AGBL4: variants seen among roughly 807,000 people sequenced by gnomAD.
AGBL4 encodes AGBL carboxypeptidase 4, also known as cytosolic carboxypeptidase 6.
In AGBL4, 58 loss-of-function variants were observed where a neutral mutation model predicts 66.4. The observed-to-expected ratio is 0.87, with a 90% CI of 0.71 to 1.09. AGBL4 has a LOEUF of 1.09. Among genes scored for constraint, AGBL4 ranks in the 50% least tolerant of loss-of-function variants. The pLI is 0.00. For synonymous variants in AGBL4, 234 were observed against 222.9 expected, an observed-to-expected ratio of 1.05 and a Z score of -0.44; for missense variants, 579 against 631.0, an observed-to-expected ratio of 0.92 and a Z score of 0.88.
intron 3 of AGBL4, among the ~76,000 whole-genome samples, chr1:49,608,461 C>A (rs543287765): frequency 3.8e-4 from 58 of 152,254 alleles, no homozygotes; most frequent in Non-Finnish European, 1.5e-4. Flanking sequence ...TTTCAACCTC[C>A]ACTGGAGAAA....
chr1:48,550,687 A>G (rs781732341), intron 11 of AGBL4, among the ~76,000 whole-genome samples: 7 of 152,160 alleles, frequency 4.6e-5, no homozygotes, highest in Non-Finnish European at 7.3e-5. Context: ...AAGAGCTGGC[A>G]GATGAAACAT....
chr1:49,705,838 G>T (rs1281984966), intron 2 of AGBL4, among the ~76,000 whole-genome samples: 1 of 152,024 alleles, frequency 6.6e-6, no homozygotes, highest in East Asian at 1.9e-4. Context: ...TTATGTGATG[G>T]ATTATGTTCA....
chr1:49,881,195 A>T (rs1466174237), intron 1 of AGBL4, among the ~76,000 whole-genome samples: 1 of 152,136 alleles, frequency 6.6e-6, no homozygotes, highest in Non-Finnish European at 1.5e-5. Context: ...AATTTCATCT[A>T]TGTCCCTACA....
intron 8 of AGBL4, among the ~76,000 whole-genome samples, chr1:48,646,296 A>G (rs933730984): frequency 3.9e-5 from 6 of 152,172 alleles, no homozygotes; most frequent in Admixed American, 6.5e-5. Flanking sequence ...ACGGGCTGGC[A>G]GATCTCTCAA....
At chr1:48,743,027 T>C (rs923550990) in intron 6 of AGBL4, among the ~76,000 whole-genome samples, 1 of 152,164 alleles carries the variant, frequency 6.6e-6, no homozygotes, top group Non-Finnish European at 1.5e-5. Flanking sequence ...CAGGGTGTCA[T>C]TGTCTAAATG....
At chr1:49,084,229 G>T (rs1644857407) in intron 4 of AGBL4, among the ~76,000 whole-genome samples, 1 of 152,066 alleles carries the variant, frequency 6.6e-6, no homozygotes, top group African/African-American at 2.4e-5. Context: ...TCCAGTCTCT[G>T]CCTGTTACCC....
At chr1:49,126,903 T>A (rs1645775986) in intron 4 of AGBL4, among the ~76,000 whole-genome samples, 1 of 152,124 alleles carries the variant, frequency 6.6e-6, no homozygotes, top group African/African-American at 2.4e-5. Flanking sequence ...CAAACCAAAC[T>A]GAAATCCAGC....
chr1:48,694,802 C>G (rs1001666994), intron 6 of AGBL4, among the ~76,000 whole-genome samples: 2 of 152,102 alleles, frequency 1.3e-5, no homozygotes, highest in African/African-American at 4.8e-5. Context: ...CCTCTTCTGA[C>G]TCAGCTGCCC....
chr1:49,289,549 T>A (rs550416193), intron 3 of AGBL4, among the ~76,000 whole-genome samples: 4 of 152,330 alleles, frequency 2.6e-5, no homozygotes, highest in Admixed American at 1.3e-4. Context: ...AAATAGTGGT[T>A]ACATGTCTGT....
At chr1:49,077,715 A>AT (rs1644737213) in intron 4 of AGBL4, among the ~76,000 whole-genome samples, 3 of 152,300 alleles carry the variant, frequency 2.0e-5, no homozygotes, top group South Asian at 4.1e-4. Flanking sequence ...AACACTAAGT[A>AT]TAATGTCAGT....
intron 1 of AGBL4, among the ~76,000 whole-genome samples, chr1:49,984,319 G>C (rs1353394768): frequency 6.6e-6 from 1 of 152,202 alleles, no homozygotes. Flanking sequence ...GCCATGGACT[G>C]GTTCTGGGCA....
chr1:49,027,303 G>A (rs1468129033), intron 5 of AGBL4, among the ~76,000 whole-genome samples: 2 of 151,942 alleles, frequency 1.3e-5, no homozygotes, highest in African/African-American at 4.8e-5. Context: ...TGAGATTACA[G>A]GTGTGTGCCA....
chr1:49,504,580 C>T (rs1648503752), intron 3 of AGBL4, among the ~76,000 whole-genome samples: 1 of 152,050 alleles, frequency 6.6e-6, no homozygotes, highest in South Asian at 2.1e-4. Flanking sequence ...TTACCCCTCT[C>T]TCATTACATA....
chr1:49,851,777 T>C (rs1384089344), intron 1 of AGBL4, among the ~76,000 whole-genome samples: 2 of 152,144 alleles, frequency 1.3e-5, no homozygotes, highest in Non-Finnish European at 2.9e-5. Context: ...GTTCCTCTCA[T>C]CCATAAAATG....
chr1:49,444,748 T>C (rs1646114682), intron 3 of AGBL4, among the ~76,000 whole-genome samples: 1 of 152,086 alleles, frequency 6.6e-6, no homozygotes, highest in Non-Finnish European at 1.5e-5. Context: ...TACCTTTTAA[T>C]TGGAGCACAC....
At chr1:49,899,421 G>A (rs1444280888) in intron 1 of AGBL4, among the ~76,000 whole-genome samples, 4 of 151,824 alleles carry the variant, frequency 2.6e-5, no homozygotes, top group East Asian at 1.9e-4. Context: ...AATGCTTGAG[G>A]TGATGGATAC....
intron 5 of AGBL4, among the ~76,000 whole-genome samples, chr1:48,946,958 C>A (rs1158435582): frequency 1.3e-5 from 2 of 152,200 alleles, no homozygotes; most frequent in African/African-American, 4.8e-5. Context: ...CCTGGAAAGG[C>A]TCTGCATCTC....
intron 3 of AGBL4, among the ~76,000 whole-genome samples, chr1:49,305,202 C>T (rs1462288087): frequency 1.3e-5 from 2 of 152,204 alleles, no homozygotes; most frequent in African/African-American, 4.8e-5. Flanking sequence ...ATTACACTGG[C>T]ATCTGTTTTA....
chr1:49,262,669 G>A (rs553387877), intron 3 of AGBL4, among the ~76,000 whole-genome samples: 3 of 152,198 alleles, frequency 2.0e-5, no homozygotes, highest in South Asian at 4.1e-4. Context: ...GTGCTGGAGA[G>A]GATGTGGAGA....
Sources: allele counts gnomAD v4.1 joint callset (sites outside exome capture counted in the v4.1 genomes callset), GRCh38; gene constraint gnomAD v4.1.1; transcripts MANE v1.5; gene names NCBI Gene and HGNC (gene_info 2026-07-23, HGNC 2026-07-21).